CADM2: variants seen among roughly 807,000 people sequenced by gnomAD.
The protein encoded by CADM2 is immunoglobulin superfamily member 4D.
Under a neutral mutation model 49.8 loss-of-function variants are expected in CADM2, and 12 were observed. That is an observed-to-expected ratio of 0.24 (90% CI 0.15 to 0.39). CADM2 has a LOEUF of 0.39. Ranked by LOEUF, CADM2 falls within the 10% of genes least tolerant of loss-of-function variation. CADM2 has a pLI of 1.00. For synonymous variants in CADM2, 214 were observed against 175.4 expected (o/e 1.22, Z -1.74); for missense variants, 378 against 492.3 (o/e 0.77, Z 2.20).
At chr3:85,599,204 T>G (rs2063330352) in intron 1 of CADM2, among the ~76,000 whole-genome samples, 1 of 152,012 alleles carries the variant, frequency 6.6e-6, no homozygotes, top group Non-Finnish European at 1.5e-5. Flanking sequence ...CTTTTACCCT[T>G]TGATCGATAC....
intron 1 of CADM2, among the ~76,000 whole-genome samples, chr3:85,453,869 T>C (rs1231239406): frequency 1.3e-5 from 2 of 152,176 alleles, no homozygotes; most frequent in African/African-American, 4.8e-5. Flanking sequence ...GGATGATTAG[T>C]ATTTTACTCA....
intron 1 of CADM2, among the ~76,000 whole-genome samples, chr3:85,212,860 T>TCTCTCTCTC (rs1559723747): frequency 4.4e-5 from 5 of 114,850 alleles, no homozygotes; most frequent in Non-Finnish European, 7.5e-5. Context: ...CTTTCTTTCT[T>TCTCTCTCTC]TCTTTCTTTC....
At chr3:86,013,017 T>G in intron 8 of CADM2, 1 of 987,250 alleles carries the variant, frequency 1.0e-6, no homozygotes, top group Non-Finnish European at 1.6e-6. Flanking sequence ...ACATTATCGA[T>G]TATGTGCCAA....
chr3:85,993,773 A>G (rs1729051292), intron 8 of CADM2: 1 of 151,840 alleles, frequency 6.6e-6, no homozygotes, highest in South Asian at 2.1e-4. Context: ...GAGCAGTAAT[A>G]TCTTGAAAGG....
chr3:85,650,637 T>G (rs1183788538), intron 1 of CADM2, among the ~76,000 whole-genome samples: 1 of 151,884 alleles, frequency 6.6e-6, no homozygotes, highest in Non-Finnish European at 1.5e-5. Context: ...AAATTATTTC[T>G]ATTGAATCAG....
intron 8 of CADM2, among the ~76,000 whole-genome samples, chr3:86,020,892 G>A (rs1050917872): frequency 2.6e-5 from 4 of 152,076 alleles, no homozygotes; most frequent in African/African-American, 4.8e-5. Context: ...TACTGAATGG[G>A]CAAAAACTGG....
chr3:85,183,265 T>G (rs1576062927), intron 1 of CADM2, among the ~76,000 whole-genome samples: 1 of 152,252 alleles, frequency 6.6e-6, no homozygotes, highest in East Asian at 1.9e-4. Context: ...AAAAATTCAC[T>G]TATAAAAATG....
At chr3:85,470,027 C>T (rs1346537712) in intron 1 of CADM2, among the ~76,000 whole-genome samples, 2 of 152,086 alleles carry the variant, frequency 1.3e-5, no homozygotes, top group African/African-American at 4.8e-5. Context: ...GCTCAATCCT[C>T]AATACTGGAG....
At chr3:85,320,367 T>G (rs765880536) in intron 1 of CADM2, among the ~76,000 whole-genome samples, 28 of 152,148 alleles carry the variant, frequency 1.8e-4, no homozygotes, top group Non-Finnish European at 2.9e-4. Flanking sequence ...AATATGAACC[T>G]CTCTTTTCTA....
chr3:85,207,781 A>C (rs1387800886), intron 1 of CADM2, among the ~76,000 whole-genome samples: 1 of 152,194 alleles, frequency 6.6e-6, no homozygotes, highest in Non-Finnish European at 1.5e-5. Context: ...TTAATTTGAC[A>C]AACATTTGGC....
At chr3:85,902,572 T>A (rs898879279) in intron 5 of CADM2, among the ~76,000 whole-genome samples, 4 of 151,694 alleles carry the variant, frequency 2.6e-5, no homozygotes, top group Admixed American at 1.3e-4. Flanking sequence ...TGATATAGGT[T>A]TATTTTCATC....
chr3:85,695,365 A>G (rs1332952995), intron 1 of CADM2, among the ~76,000 whole-genome samples: 1 of 151,860 alleles, frequency 6.6e-6, no homozygotes, highest in African/African-American at 2.4e-5. Context: ...TCCAATGTCC[A>G]TTATACCTTT....
chr3:85,152,363 A>G (rs1559691172), intron 1 of CADM2, among the ~76,000 whole-genome samples: 1 of 152,134 alleles, frequency 6.6e-6, no homozygotes, highest in Non-Finnish European at 1.5e-5. Context: ...GACTGTAGTT[A>G]TGGAAATCTC....
rs572293436 is a variant in CADM2, at chr3:85,964,920, C to A, written c.970+3273C>A. On this transcript the variant is annotated intron_variant, in intron 8 of 9. Transcript: ENST00000383699. ...TGTGGTCATACTATTTATTTATTTA[C>A]AATGGATGATTATATCCATAGTTTT... 5.9e-5 allele frequency among the ~76,000 whole-genome samples: 9 copies of A among 151,516 alleles called. 1 individual carries two copies. Among genetic ancestry groups the A allele is most frequent in the African/African-American group, 2.2e-4 (9 of 41,452 alleles).
intron 1 of CADM2, among the ~76,000 whole-genome samples, chr3:85,693,439 G>C (rs1375477826): frequency 6.6e-6 from 1 of 150,990 alleles, no homozygotes; most frequent in Non-Finnish European, 1.5e-5. Flanking sequence ...AATTAGCCGG[G>C]CGCAGTGGCG....
chr3:85,032,567 C>A (rs887152822), intron 1 of CADM2, among the ~76,000 whole-genome samples: 2 of 152,126 alleles, frequency 1.3e-5, no homozygotes, highest in Non-Finnish European at 2.9e-5. Context: ...TGTGCATTTT[C>A]TCTTCAGTAG....
intron 8 of CADM2, among the ~76,000 whole-genome samples, chr3:86,038,950 A>C (rs1735494647): frequency 6.6e-6 from 1 of 152,178 alleles, no homozygotes; most frequent in Admixed American, 6.5e-5. Context: ...CTTAGAATAA[A>C]CATTTAGAAG....
intron 5 of CADM2, among the ~76,000 whole-genome samples, chr3:85,893,286 T>C (rs1049811247): frequency 2.0e-5 from 3 of 152,124 alleles, no homozygotes; most frequent in Non-Finnish European, 4.4e-5. Context: ...GAAAACTGGC[T>C]AGCCATATGT....
intron 1 of CADM2, among the ~76,000 whole-genome samples, chr3:84,969,529 C>T (rs2031263188): frequency 1.3e-5 from 2 of 150,464 alleles, no homozygotes; most frequent in Admixed American, 1.3e-4. Flanking sequence ...TGTTTTCATT[C>T]CACTGATTGA....
Sources: allele counts gnomAD v4.1 joint callset (sites outside exome capture counted in the v4.1 genomes callset), GRCh38; gene constraint gnomAD v4.1.1; transcripts MANE v1.5; gene names NCBI Gene and HGNC (gene_info 2026-07-23, HGNC 2026-07-21).